Variants in GPHN observed in about 807,000 individuals in gnomAD.
GPHN encodes gephyrin.
GPHN carries 17 observed loss-of-function variants against 95.5 expected under a neutral mutation model. The ratio of observed to expected loss-of-function variants is 0.18; its 90% confidence interval spans 0.12 to 0.27. GPHN has a LOEUF of 0.27. GPHN is among the 10% of genes least tolerant of loss of function. The pLI, the probability that GPHN is intolerant of heterozygous loss-of-function variation, is 1.00. For missense variants in GPHN, 660 were observed against 978.1 expected (o/e 0.67, Z 4.34); for synonymous variants, 320 against 322.5 (o/e 0.99, Z 0.08).
the GPHN span, among the ~76,000 whole-genome samples, chr14:67,501,569 T>C: frequency 2.0e-5 from 3 of 152,084 alleles, no homozygotes; most frequent in African/African-American, 7.2e-5. Flanking sequence ...TGGTAAGCCA[T>C]GGCCACAGGC....
chr14:67,455,678 TC>T, the GPHN span, among the ~76,000 whole-genome samples: 1 of 152,218 alleles, frequency 6.6e-6, no homozygotes, highest in African/African-American at 2.4e-5. Context: ...TTTAAAATAA[TC>T]ATTTATTTAT....
rs185769025 is a variant in GPHN at position 67,017,561 on chromosome 14, G to A, written c.964-6072G>A. Among the ~76,000 whole-genome samples the A allele has an allele frequency of 3.3e-3, 509 of 152,070 alleles. 3 individuals are homozygous for A. Among genetic ancestry groups the A allele is most frequent in the African/African-American group, 0.011 (473 of 41,534 alleles). On this transcript the variant is annotated intron_variant, in intron 9 of 22. Coordinates refer to ENST00000478722, the MANE Select transcript of GPHN (RefSeq NM_020806.5). ...GGTAGAAAAACTAAAGTCAAAATAA[G>A]CCATGATGCATCAAAAATTTCTATC...
At chr14:67,549,338 T>C in the GPHN span, among the ~76,000 whole-genome samples, 1 of 151,918 alleles carries the variant, frequency 6.6e-6, no homozygotes. Context: ...TGGTGTGATC[T>C]CAGCTCACTG....
At chr14:66,990,882 A>G (rs957938736) in intron 9 of GPHN, among the ~76,000 whole-genome samples, 1 of 151,774 alleles carries the variant, frequency 6.6e-6, no homozygotes, top group African/African-American at 2.4e-5. Context: ...TTTTAAAATT[A>G]AATATTTAAT....
chr14:67,437,788 G>A, the GPHN span, among the ~76,000 whole-genome samples: 1 of 152,142 alleles, frequency 6.6e-6, no homozygotes, highest in Non-Finnish European at 1.5e-5. Flanking sequence ...CCCAAAGACG[G>A]GTGGTACCAT....
the GPHN span, among the ~76,000 whole-genome samples, chr14:67,349,489 C>A: frequency 2.0e-5 from 3 of 152,132 alleles, no homozygotes; most frequent in African/African-American, 7.2e-5. Context: ...ATTCCTTTAC[C>A]CTGGAAACTA....
At chr14:67,608,013 G>A in the GPHN span, among the ~76,000 whole-genome samples, 1 of 152,102 alleles carries the variant, frequency 6.6e-6, no homozygotes, top group Non-Finnish European at 1.5e-5. Flanking sequence ...GAGACAGGAG[G>A]ATTCCTTGAG....
intron 1 of GPHN, among the ~76,000 whole-genome samples, chr14:66,556,713 A>G (rs1299384261): frequency 2.0e-5 from 3 of 152,000 alleles, no homozygotes; most frequent in South Asian, 2.1e-4. Context: ...ATATGTTTAT[A>G]TAATTTTATA....
At chr14:67,412,810 G>T in the GPHN span, among the ~76,000 whole-genome samples, 1 of 152,114 alleles carries the variant, frequency 6.6e-6, no homozygotes, top group East Asian at 1.9e-4. Flanking sequence ...TGTCACCCAG[G>T]CTGGAGTGCA....
the GPHN span, among the ~76,000 whole-genome samples, chr14:67,309,030 G>T: frequency 5.9e-5 from 9 of 152,110 alleles, no homozygotes; most frequent in East Asian, 1.7e-3. Context: ...GAAAATGTTG[G>T]GCTGGAAGAT....
At chr14:67,055,532 TC>T (rs1432074517) in intron 10 of GPHN, among the ~76,000 whole-genome samples, 1 of 152,228 alleles carries the variant, frequency 6.6e-6, no homozygotes, top group African/African-American at 2.4e-5. Context: ...TACCATTTGA[TC>T]CAGCAATCCC....
intron 2 of GPHN, among the ~76,000 whole-genome samples, chr14:66,710,229 A>G (rs184935463): frequency 6.6e-6 from 1 of 152,352 alleles, no homozygotes; most frequent in Admixed American, 6.5e-5. Context: ...AAATAATAGA[A>G]TTGCTTTTGC....
the GPHN span, chr14:67,397,862 T>A: frequency 6.4e-7 from 1 of 1,568,538 alleles, no homozygotes; most frequent in African/African-American, 1.3e-5. Context: ...GGTGAGGCGG[T>A]CAGTGGGAGG....
At chr14:67,579,802 C>T in the GPHN span, 1 of 1,610,842 alleles carries the variant, frequency 6.2e-7, no homozygotes, top group Non-Finnish European at 8.5e-7. Context: ...AAAGCCATCC[C>T]ACTCTGGCTT....
rs372304877 is a variant in GPHN, at chr14:66,559,681, T to C, written c.64+51090T>C. On this transcript the variant is annotated intron_variant, in intron 1 of 22. Coordinates refer to ENST00000478722, the MANE Select transcript of GPHN (RefSeq NM_020806.5). Reference sequence around the variant, plus strand: ...TAGGTTGTGAAAATTTTCTCCCATTTTGTAGGTTGCCTGTTCACTCTGATG... The same window carrying C: ...TAGGTTGTGAAAATTTTCTCCCATTCTGTAGGTTGCCTGTTCACTCTGATG... Among the ~76,000 whole-genome samples the C allele has an allele frequency of 1.5e-3, 223 of 151,510 alleles. 10 individuals carry two copies. The East Asian group carries it at 0.018, about 13-fold the overall frequency.
chr14:67,361,255 C>T, the GPHN span, among the ~76,000 whole-genome samples: 7 of 152,268 alleles, frequency 4.6e-5, no homozygotes, highest in African/African-American at 1.7e-4. Flanking sequence ...AAAAGTATAG[C>T]AGAGAAGTCT....
chr14:67,036,540 C>CACACAGAG (rs946760546), intron 10 of GPHN, among the ~76,000 whole-genome samples: 6 of 148,222 alleles, frequency 4.0e-5, no homozygotes, highest in African/African-American at 1.5e-4. Flanking sequence ...CACACACACA[C>CACACAGAG]AGAGAAACAC....
At chr14:67,557,400 G>C in the GPHN span, 1 of 1,613,362 alleles carries the variant, frequency 6.2e-7, no homozygotes, top group East Asian at 2.2e-5. Context: ...GCCAGCTAGA[G>C]GCTCAGCTGG....
chr14:67,250,351 G>T, the GPHN span, among the ~76,000 whole-genome samples: 1 of 152,126 alleles, frequency 6.6e-6, no homozygotes, highest in Admixed American at 6.5e-5. Context: ...TTTATGCTCA[G>T]AAGTACTAGA....
Sources: gnomAD v4.1 joint callset for allele counts (sites outside exome capture counted in the v4.1 genomes callset) on GRCh38, gnomAD v4.1.1 for gene constraint, MANE v1.5 for transcripts, NCBI Gene and HGNC (gene_info 2026-07-23, HGNC 2026-07-21) for gene names.